The following CDC42SE2 variants were observed in gnomAD, a reference collection of about 807,000 sequenced individuals.
CDC42SE2 encodes CDC42 small effector protein 2.
A neutral mutation model predicts 11.5 loss-of-function variants in CDC42SE2; 3 were observed. That is an observed-to-expected ratio of 0.26 (90% CI 0.12 to 0.67). The LOEUF (loss-of-function observed/expected upper bound fraction) is 0.67, where lower values mean the gene tolerates loss of function less well. Among genes scored for constraint, CDC42SE2 ranks in the 30% least tolerant of loss-of-function variants. CDC42SE2 has a pLI of 0.80. For missense variants in CDC42SE2, 82 were observed against 106.8 expected (o/e 0.77, Z 1.02); for synonymous variants, 33 against 34.8 (o/e 0.95, Z 0.18).
At chr5:131,389,383 A>T (rs902347974) in intron 4 of CDC42SE2, among the ~76,000 whole-genome samples, 1 of 152,228 alleles carries the variant, frequency 6.6e-6, no homozygotes, top group Admixed American at 6.5e-5. Flanking sequence ...CTCTTACCTG[A>T]AGGTAGTCAT....
At chr5:131,309,865 C>G (rs1757863934) in intron 1 of CDC42SE2, among the ~76,000 whole-genome samples, 1 of 151,992 alleles carries the variant, frequency 6.6e-6, no homozygotes. Flanking sequence ...TGCTAGCGGT[C>G]TATCAATTTT....
intron 1 of CDC42SE2, among the ~76,000 whole-genome samples, chr5:131,270,912 G>T (rs1174542772): frequency 6.6e-6 from 1 of 151,910 alleles, no homozygotes; most frequent in Non-Finnish European, 1.5e-5. Flanking sequence ...ACCACTTCAG[G>T]ATGCAGCTTA....
At chr5:131,284,725 A>G (rs1418051347) in intron 1 of CDC42SE2, among the ~76,000 whole-genome samples, 1 of 152,176 alleles carries the variant, frequency 6.6e-6, no homozygotes, top group East Asian at 1.9e-4. Context: ...CCTGTGCCTT[A>G]GCCTCCTAAA....
In CDC42SE2 at chr5:131,388,112, A is replaced by T. The variant is rs957050800; in HGVS notation, c.156+2468A>T. On this transcript the variant is annotated intron_variant, in intron 4 of 4. Transcript: ENST00000505065. ...TCCTAGGTTCAAGCAATCCTGTCTC[A>T]GCCTCCTGAGTAACTGGGATTACAG... 3.3e-5 allele frequency among the ~76,000 whole-genome samples: 5 copies of T among 152,246 alleles called. No individual in the cohort carries two copies. The South Asian group carries it at 1.0e-3, about 32-fold the overall frequency.
chr5:131,220,768 C>T, the CDC42SE2 span, among the ~76,000 whole-genome samples: 1 of 152,058 alleles, frequency 6.6e-6, no homozygotes. Flanking sequence ...ATTACTAGAG[C>T]ACAGTTCAGT....
At chr5:131,348,563 T>C (rs1470416998) in intron 2 of CDC42SE2, among the ~76,000 whole-genome samples, 2 of 152,176 alleles carry the variant, frequency 1.3e-5, no homozygotes, top group Non-Finnish European at 2.9e-5. Context: ...ATGGCCGTAC[T>C]GCCCAAGGTA....
chr5:131,309,010 C>G (rs1757839373), intron 1 of CDC42SE2, among the ~76,000 whole-genome samples: 1 of 149,932 alleles, frequency 6.7e-6, no homozygotes, highest in East Asian at 2.0e-4. Context: ...GAGAGGGCAT[C>G]CCTGTCTTGT....
At chr5:131,281,285 G>A (rs1757234170) in intron 1 of CDC42SE2, among the ~76,000 whole-genome samples, 1 of 152,102 alleles carries the variant, frequency 6.6e-6, no homozygotes, top group Non-Finnish European at 1.5e-5. Context: ...TTCCTGAATG[G>A]TGTATATGTT....
chr5:131,365,471 A>C (rs1302441771), intron 3 of CDC42SE2, among the ~76,000 whole-genome samples: 5 of 152,168 alleles, frequency 3.3e-5, no homozygotes, highest in African/African-American at 7.2e-5. Flanking sequence ...ATGCAATAAT[A>C]ACCTCGTATG....
chr5:131,221,597 G>GA, the CDC42SE2 span, among the ~76,000 whole-genome samples: 197 of 142,860 alleles, frequency 1.4e-3, no homozygotes, highest in Middle Eastern at 3.6e-3. Context: ...CATTACCAGT[G>GA]AAAAAAAAAA....
the CDC42SE2 span, among the ~76,000 whole-genome samples, chr5:131,224,982 A>G: frequency 2.6e-4 from 40 of 152,028 alleles, no homozygotes; most frequent in East Asian, 7.6e-3. Context: ...AAGACAGGGA[A>G]TGGGGGGTCC....
At chr5:131,361,109 T>G (rs1423222691) in intron 3 of CDC42SE2, among the ~76,000 whole-genome samples, 2 of 151,198 alleles carry the variant, frequency 1.3e-5, no homozygotes, top group Middle Eastern at 3.2e-3. Flanking sequence ...TTATTTTATT[T>G]TATTTATTTA....
In CDC42SE2 at chr5:131,335,785, T is replaced by G. The variant is rs1758544322; in HGVS notation, c.-286+19641T>G. On this transcript the variant is annotated intron_variant, in intron 2 of 4. Transcript: ENST00000505065. ...AGTCTGTTTTATCAGAGACTAAGAT[T>G]GCAACCCCTGCCTTTTTTTGTTTTC... Among the ~76,000 whole-genome samples, 3 of 152,246 alleles carry G rather than the reference T, an allele frequency of 2.0e-5. No homozygotes were observed. The South Asian group carries it at 6.2e-4, about 31-fold the overall frequency.
chr5:131,356,563 C>T (rs1170081631), intron 2 of CDC42SE2, among the ~76,000 whole-genome samples: 2 of 152,154 alleles, frequency 1.3e-5, no homozygotes, highest in African/African-American at 4.8e-5. Flanking sequence ...CAAACATCTT[C>T]TTGGTTTGAA....
intron 3 of CDC42SE2, among the ~76,000 whole-genome samples, chr5:131,382,976 T>TA (rs1750367396): frequency 6.6e-6 from 1 of 152,180 alleles, no homozygotes; most frequent in Non-Finnish European, 1.5e-5. Flanking sequence ...ACTTTATTCC[T>TA]AAAAAAGATA....
intron 4 of CDC42SE2, among the ~76,000 whole-genome samples, chr5:131,386,658 G>A (rs1217194610): frequency 1.3e-5 from 2 of 152,174 alleles, no homozygotes; most frequent in Admixed American, 6.5e-5. Flanking sequence ...CATTATAATA[G>A]AAGCAGCACC....
chr5:131,355,488 A>G (rs1053290577), intron 2 of CDC42SE2, among the ~76,000 whole-genome samples: 2 of 152,022 alleles, frequency 1.3e-5, no homozygotes, highest in Non-Finnish European at 2.9e-5. Context: ...AAAAAAAAGA[A>G]AGAGAGAGAG....
the CDC42SE2 span, among the ~76,000 whole-genome samples, chr5:131,231,690 T>C: frequency 2.0e-5 from 3 of 152,218 alleles, no homozygotes; most frequent in Non-Finnish European, 4.4e-5. Context: ...ACTACCAGTC[T>C]TACCTTTGCT....
rs1031925679 is a variant in CDC42SE2 at position 131,319,140 on chromosome 5, A to G, written c.-286+2996A>G. Among the ~76,000 whole-genome samples, 10 of 152,090 alleles carry G rather than the reference A, an allele frequency of 6.6e-5. No homozygotes were observed. In the East Asian group the frequency reaches 1.5e-3, roughly 24 times the overall value. On this transcript the variant is annotated intron_variant, in intron 2 of 4. Coordinates refer to ENST00000505065, the MANE Select transcript of CDC42SE2 (RefSeq NM_001375635.1). ...GGCTGGTTTCGAACTCCAGACCTCA[A>G]ATGATCCACCTGCTTTAGCCTCCCA...
Sources: gnomAD v4.1 joint callset for allele counts (sites outside exome capture counted in the v4.1 genomes callset) on GRCh38, gnomAD v4.1.1 for gene constraint, MANE v1.5 for transcripts, NCBI Gene and HGNC (gene_info 2026-07-23, HGNC 2026-07-21) for gene names.